The following CACNA1B variants were observed in gnomAD, a reference collection of about 807,000 sequenced individuals.
The protein encoded by CACNA1B is voltage-dependent N-type calcium channel subunit alpha-1B.
CACNA1B carries 70 observed loss-of-function variants against 247.2 expected under a neutral mutation model. The ratio of observed to expected loss-of-function variants is 0.28; its 90% CI spans 0.23 to 0.35. CACNA1B has a LOEUF of 0.35. CACNA1B is among the 10% of genes least tolerant of loss of function. The pLI, the probability that CACNA1B is intolerant of heterozygous loss-of-function variation, is 1.00. For synonymous variants in CACNA1B, 1,231 were observed against 1,294.4 expected (o/e 0.95, Z 1.05); for missense variants, 2,367 against 3,197.4 (o/e 0.74, Z 6.26).
chr9:138,024,402 A>C (rs1420853180), intron 19 of CACNA1B, among the ~76,000 whole-genome samples: 1 of 152,226 alleles, frequency 6.6e-6, no homozygotes, highest in Non-Finnish European at 1.5e-5. Context: ...CAAACCAACC[A>C]GAATACTTGC....
intron 21 of CACNA1B, among the ~76,000 whole-genome samples, chr9:138,045,556 G>A (rs1045329481): frequency 3.3e-5 from 5 of 152,182 alleles, no homozygotes; most frequent in African/African-American, 7.2e-5. Flanking sequence ...TGACAGTGGC[G>A]GAAGGCACTG....
At chr9:137,999,719 G>A (rs1958542754) in intron 15 of CACNA1B, among the ~76,000 whole-genome samples, 1 of 151,852 alleles carries the variant, frequency 6.6e-6, no homozygotes. Flanking sequence ...TGTTGCCCAG[G>A]CTGGTCTCAA....
intron 40 of CACNA1B, among the ~76,000 whole-genome samples, chr9:138,114,071 G>A (rs1247941830): frequency 6.6e-6 from 1 of 152,208 alleles, no homozygotes; most frequent in East Asian, 1.9e-4. Flanking sequence ...TTGCTTTCTG[G>A]GGAGGAGACA....
At chr9:137,970,783 G>T (rs1958136843) in intron 10 of CACNA1B, among the ~76,000 whole-genome samples, 1 of 152,224 alleles carries the variant, frequency 6.6e-6, no homozygotes, top group Non-Finnish European at 1.5e-5. Context: ...GGGTTGGGTG[G>T]TGAGCAGGGT....
intron 32 of CACNA1B, among the ~76,000 whole-genome samples, chr9:138,070,621 A>G (rs1960094121): frequency 6.6e-6 from 1 of 152,254 alleles, no homozygotes; most frequent in Non-Finnish European, 1.5e-5. Context: ...ACAGCGATTC[A>G]CAATTGGAGC....
chr9:137,975,761 C>T (rs1419490395), intron 11 of CACNA1B, 146 bp from the exon 12 acceptor site: 1 of 671,108 alleles, frequency 1.5e-6, no homozygotes, highest in East Asian at 2.7e-5. Context: ...CTTTCCTAGG[C>T]TGAGACTTCA....
At chr9:137,985,810 C>A (rs1958353083) in intron 13 of CACNA1B, among the ~76,000 whole-genome samples, 1 of 152,218 alleles carries the variant, frequency 6.6e-6, no homozygotes, top group African/African-American at 2.4e-5. Flanking sequence ...ATGAGCAGGG[C>A]ACGGTCACTG....
chr9:138,070,940 C>T (rs10114026), intron 32 of CACNA1B, among the ~76,000 whole-genome samples: 16,835 of 152,282 alleles, frequency 0.11, 2,502 homozygotes, highest in African/African-American at 0.33. Context: ...TGGCCCACAT[C>T]GGGGCCCACA....
At chr9:138,071,957 C>T (rs1413520238) in intron 32 of CACNA1B, among the ~76,000 whole-genome samples, 1 of 152,026 alleles carries the variant, frequency 6.6e-6, no homozygotes, top group Non-Finnish European at 1.5e-5. Context: ...TGCGGCCCTC[C>T]ACCCCTGCAC....
chr9:137,984,171 G>A lies in CACNA1B; in HGVS notation c.1690G>A (p.Ala564Thr). 6.2e-7 allele frequency: 1 copy of A among 1,603,370 alleles called. No individual in the cohort carries two copies. The highest frequency in any genetic ancestry group is 8.5e-7 in the Non-Finnish European group (1 of 1,175,418). Residue 564 changes from alanine to threonine, a missense_variant, in exon 13 of 47, where the codon GCG (alanine) becomes ACG (threonine). This residue lies in a region of CACNA1B where 219 missense variants were observed against 297.6 expected (regional missense o/e 0.74). Transcript: ENST00000371372. The part of the protein sequence containing the change: ...IVGSVFEVVW[A>T]AIKPGSSFGI... ...GGGGAGCGTCTTTGAAGTGGTCTGG[G>A]CGGCCATCAAGCCGGGAAGCTCCTT...
In CACNA1B at chr9:137,897,504, C is replaced by T. The variant is rs148820965; in HGVS notation, c.530+14621C>T. On this transcript the variant is annotated intron_variant, in intron 3 of 46. Transcript: ENST00000371372. ...CTGAGGCAGGAGAATCACTTGAACC[C>T]GGAAGGTAGAGGTTGCGATGAGCCG... 3.3e-3 allele frequency among the ~76,000 whole-genome samples: 501 copies of T among 152,024 alleles called. 1 individual carries two copies. Among genetic ancestry groups the T allele is most frequent in the Middle Eastern group, 0.024 (7 of 294 alleles).
At chr9:137,948,622 A>G (rs1471428105) in intron 6 of CACNA1B, among the ~76,000 whole-genome samples, 1 of 151,072 alleles carries the variant, frequency 6.6e-6, no homozygotes, top group Non-Finnish European at 1.5e-5. Context: ...AGAATAAAAA[A>G]AAAACACTTT....
At chr9:138,112,002 G>A (rs913997461) in intron 39 of CACNA1B, among the ~76,000 whole-genome samples, 2 of 152,084 alleles carry the variant, frequency 1.3e-5, no homozygotes, top group African/African-American at 2.4e-5. Context: ...ACTCCAGAAG[G>A]GAAGTTTTTG....
In CACNA1B at chr9:138,102,857, T is replaced by G; in HGVS notation, c.5319+50T>G. 2.5e-6 allele frequency: 3 copies of G among 1,188,136 alleles called. No individual in the cohort carries two copies. Among genetic ancestry groups the G allele is most frequent in the Non-Finnish European group, 3.7e-6 (3 of 810,228 alleles). The allele number at this position is 1,188,136 out of a possible 1,614,324, so 73.6% of individuals were successfully genotyped here. A position where few individuals can be genotyped will look rare whatever the true frequency, so the allele number is the denominator to read the frequency against. ...CCCCCAGGAGGCTGTGTGTGCTTGC[T>G]GAGGGGTGCTTGCTGGCTCTCCCAG... On this transcript the variant is annotated intron_variant, in intron 38 of 46. Coordinates refer to ENST00000371372, the MANE Select transcript of CACNA1B (RefSeq NM_000718.4). The surrounding 1 kb of genome is among the most constrained non-coding windows in gnomAD (Gnocchi z 5.4).
chr9:137,900,859 GT>G (rs1269092660), intron 3 of CACNA1B, among the ~76,000 whole-genome samples: 1 of 149,084 alleles, frequency 6.7e-6, no homozygotes, highest in African/African-American at 2.5e-5. Flanking sequence ...CTGTGTCTGT[GT>G]CTGTGTGTCC....
intron 37 of CACNA1B, among the ~76,000 whole-genome samples, chr9:138,097,094 T>C (rs935974124): frequency 1.1e-4 from 16 of 152,046 alleles, no homozygotes; most frequent in African/African-American, 2.4e-4. Flanking sequence ...CTCTGCTCTT[T>C]CTTTTGGGGA....
chr9:137,941,170 TA>T (rs1166886439), intron 6 of CACNA1B, among the ~76,000 whole-genome samples: 1 of 152,162 alleles, frequency 6.6e-6, no homozygotes, highest in African/African-American at 2.4e-5. Flanking sequence ...TAGAAAACCC[TA>T]AAAACTCCTC....
intron 13 of CACNA1B, among the ~76,000 whole-genome samples, chr9:137,985,893 C>T (rs774426798): frequency 2.6e-5 from 4 of 152,210 alleles, no homozygotes; most frequent in South Asian, 2.1e-4. Flanking sequence ...CTCTCCACGC[C>T]GCGTGTCCCT....
chr9:138,117,572 C>T (rs1961917474), intron 42 of CACNA1B, among the ~76,000 whole-genome samples: 1 of 152,244 alleles, frequency 6.6e-6, no homozygotes. Flanking sequence ...GCAAGGACAA[C>T]CCCTGCTCCC....
Sources: allele counts gnomAD v4.1 joint callset (sites outside exome capture counted in the v4.1 genomes callset), GRCh38; gene constraint gnomAD v4.1.1; regional missense constraint gnomAD v4.1.1; non-coding constraint Gnocchi (gnomAD v3.1); transcripts MANE v1.5; gene names NCBI Gene and HGNC (gene_info 2026-07-23, HGNC 2026-07-21).